TRA2B: variants seen among roughly 807,000 people sequenced by gnomAD.
TRA2B encodes transformer 2 beta homolog, also known as transformer-2 protein homolog beta.
Under a neutral mutation model 41.7 loss-of-function variants are expected in TRA2B, and 14 were observed. The ratio of observed to expected loss-of-function variants is 0.34; its 90% CI spans 0.22 to 0.53. The LOEUF is 0.53. Among genes scored for constraint, TRA2B ranks in the 20% least tolerant of loss-of-function variants. The pLI, the probability that TRA2B is intolerant of heterozygous loss-of-function variation, is 0.95. For missense variants in TRA2B, 167 were observed against 396.8 expected, an observed-to-expected ratio of 0.42 and a Z score of 4.92; for synonymous variants, 130 against 128.8, an observed-to-expected ratio of 1.01 and a Z score of -0.06.
intron 5 of TRA2B, 79 bp downstream of exon 5, chr3:185,921,932 T>C (rs895732864): frequency 1.2e-5 from 13 of 1,045,392 alleles, no homozygotes; most frequent in African/African-American, 9.6e-5. Context: ...ACCTAAGTGC[T>C]GAAGACTTTC....
At chr3:185,922,270 C>A in intron 4 of TRA2B, 144 bp from the exon 5 acceptor site, 1 of 497,210 alleles carries the variant, frequency 2.0e-6, no homozygotes. Flanking sequence ...CTACAACTTA[C>A]AAATGTGTTG....
chr3:185,931,700 A>C, intron 1 of TRA2B: 1 of 1,322,246 alleles, frequency 7.6e-7, no homozygotes, highest in Non-Finnish European at 9.6e-7. Context: ...AAATTGCTCA[A>C]TATTCTACAA....
Position 185,937,964 on chromosome 3 carries a change from C to T in TRA2B, c.-104G>A. ...CCGCAGCCCCGCACGACGCGCCGGT[C>T]GCCCAGCCGCTCAGAGCCGAAATGC... On this transcript the variant is annotated 5_prime_UTR_variant, in exon 1 of 9. Transcript: ENST00000453386. 4.9e-6 allele frequency: 7 copies of T among 1,428,162 alleles called. No homozygotes were observed. Among genetic ancestry groups the T allele is most frequent in the Admixed American group, 1.8e-5 (1 of 54,152 alleles). 88.5% of individuals were successfully genotyped at this position (1,428,162 alleles called of 1,614,324 possible).
chr3:185,921,404 CAG>C (rs765769525), intron 5 of TRA2B, among the ~76,000 whole-genome samples: 9 of 152,128 alleles, frequency 5.9e-5, no homozygotes, highest in African/African-American at 1.4e-4. Flanking sequence ...CAGATCCTGC[CAG>C]AGGTCAATCT....
At chr3:185,931,813 T>C (rs1210203448) in intron 1 of TRA2B, 2 of 1,511,220 alleles carry the variant, frequency 1.3e-6, no homozygotes, top group Admixed American at 2.2e-5. Context: ...ATAAAACTTG[T>C]CAAATGACGA....
At chr3:185,926,518 CCTCT>C (rs1194634932) in intron 2 of TRA2B, 79 bp downstream of exon 2, 68 of 1,555,772 alleles carry the variant, frequency 4.4e-5, no homozygotes, top group Non-Finnish European at 5.9e-5. Context: ...ATAATCTAAC[CCTCT>C]CTACCTTCCT....
intron 2 of TRA2B, 59 bp from the exon 3 acceptor site, chr3:185,925,685 C>A: frequency 1.3e-6 from 2 of 1,532,954 alleles, no homozygotes; most frequent in South Asian, 2.6e-5. Flanking sequence ...TTCTTTATTA[C>A]TCTGTTCTAA....
intron 1 of TRA2B, among the ~76,000 whole-genome samples, chr3:185,932,079 A>G (rs1744169661): frequency 6.6e-6 from 1 of 152,186 alleles, no homozygotes; most frequent in Non-Finnish European, 1.5e-5. Flanking sequence ...ATCATGCTTA[A>G]GTTGAATGTG....
intron 1 of TRA2B, 149 bp downstream of exon 1, chr3:185,937,676 T>C: frequency 8.6e-7 from 1 of 1,164,536 alleles, no homozygotes; most frequent in Non-Finnish European, 1.2e-6. Context: ...AGGCTTTTTT[T>C]GGTTAAATGC....
In TRA2B at chr3:185,926,552, A is replaced by G. The variant is rs574321838; in HGVS notation, c.170+49T>C. 5.0e-5 allele frequency: 80 copies of G among 1,607,804 alleles called. No homozygotes were observed. In the South Asian group the frequency reaches 8.4e-4, roughly 17 times the overall value. ...CTTCCTGGTTTACAAAACACGCACC[A>G]ATTTCAGAGCTAAGAGTAACGAGGA... On this transcript the variant is annotated intron_variant, in intron 2 of 8. Transcript: ENST00000453386.
At chr3:185,937,252 A>T in intron 1 of TRA2B, 1 of 986,152 alleles carries the variant, frequency 1.0e-6, no homozygotes, top group East Asian at 1.1e-4. Flanking sequence ...AAGAGGCCCC[A>T]AAGACATCCC....
rs16860318 is a variant in TRA2B, at chr3:185,915,242, A to G, written c.*2473T>C. On this transcript the variant is annotated 3_prime_UTR_variant, in exon 9 of 9. Coordinates refer to ENST00000453386, the MANE Select transcript of TRA2B (RefSeq NM_004593.3). ...CCCTGTTGATTTCCTGAGAAGTTTCACAAAAGCCTAGTATAAAACTATTTA... is the reference window on the plus strand; with the variant it reads ...CCCTGTTGATTTCCTGAGAAGTTTCGCAAAAGCCTAGTATAAAACTATTTA... 0.035 allele frequency among the ~76,000 whole-genome samples: 5,307 copies of G among 152,280 alleles called. 284 individuals carry two copies. The highest frequency in any genetic ancestry group is 0.12 in the African/African-American group (4,991 of 41,544).
chr3:185,924,407 T>C (rs573190583), intron 3 of TRA2B: 8 of 159,370 alleles, frequency 5.0e-5, no homozygotes, highest in Admixed American at 1.9e-4. Context: ...AAGATGAGCA[T>C]GTATGGTTCG....
intron 7 of TRA2B, among the ~76,000 whole-genome samples, chr3:185,919,166 A>G (rs1428305862): frequency 7.2e-6 from 1 of 138,848 alleles, no homozygotes; most frequent in African/African-American, 3.0e-5. Context: ...ACAAGAACAT[A>G]ATGACAAAAA....
intron 1 of TRA2B, chr3:185,934,604 A>T: frequency 1.0e-6 from 1 of 985,446 alleles, no homozygotes; most frequent in Non-Finnish European, 1.2e-6. Context: ...CTATTTGACA[A>T]TTCAATCCTT....
intron 1 of TRA2B, among the ~76,000 whole-genome samples, chr3:185,933,600 C>CATTA (rs1744233573): frequency 6.6e-6 from 1 of 152,186 alleles, no homozygotes; most frequent in South Asian, 2.1e-4. Flanking sequence ...AAGAAAACCT[C>CATTA]ATTAATCCTG....
chr3:185,918,586 A>C (rs1413060401), intron 7 of TRA2B, 148 bp from the exon 8 acceptor site: 1 of 496,792 alleles, frequency 2.0e-6, no homozygotes, highest in Non-Finnish European at 3.6e-6. Flanking sequence ...AATCTTGAGA[A>C]TGAAGCACAT....
At chr3:185,926,963 A>G in intron 1 of TRA2B, 1 of 457,462 alleles carries the variant, frequency 2.2e-6, no homozygotes, top group Non-Finnish European at 3.9e-6. Context: ...GATAAGAGTT[A>G]TTTGACCCCA....
At position 185,916,799 on chromosome 3, in the gene TRA2B, T is replaced by C. The variant is rs964685251; in HGVS notation, c.*916A>G. 9 of 152,644 alleles carry C rather than the reference T, an allele frequency of 5.9e-5. No individual in the cohort carries two copies. Among genetic ancestry groups the C allele is most frequent in the South Asian group, 4.1e-4 (2 of 4,826 alleles). 9.5% of individuals were successfully genotyped at this position (152,644 alleles called of 1,614,324 possible). ...CAGTTCTCAAAACATTTGAGTGAAA[T>C]TGGGCCTCCTTTGGTAAGCAAAGGA... On this transcript the variant is annotated 3_prime_UTR_variant, in exon 9 of 9. Transcript: ENST00000453386.
Sources: allele counts gnomAD v4.1 joint callset (sites outside exome capture counted in the v4.1 genomes callset), GRCh38; gene constraint gnomAD v4.1.1; transcripts MANE v1.5; gene names NCBI Gene and HGNC (gene_info 2026-07-23, HGNC 2026-07-21).